Variants in RREB1 observed in about 807,000 individuals in gnomAD.
RREB1 encodes the protein ras-responsive element-binding protein 1.
A neutral mutation model predicts 117.8 loss-of-function variants in RREB1; 27 were observed. That is an observed-to-expected ratio of 0.23 (90% CI 0.17 to 0.32). RREB1 has a LOEUF of 0.32. Ranked by LOEUF, RREB1 falls within the 10% of genes least tolerant of loss-of-function variation. RREB1 has a pLI of 1.00. For missense variants in RREB1, 2,577 were observed against 2,378.2 expected, an observed-to-expected ratio of 1.08 and a Z score of -1.74; for synonymous variants, 1,298 against 1,026.7, an observed-to-expected ratio of 1.26 and a Z score of -5.05.
chr6:7,173,987 A>G (rs1764368370), intron 1 of RREB1, among the ~76,000 whole-genome samples: 1 of 152,006 alleles, frequency 6.6e-6, no homozygotes, highest in Non-Finnish European at 1.5e-5. Flanking sequence ...CTCCTCCCAC[A>G]GAGGGACTTC....
rs35147576 is a variant in RREB1, at chr6:7,229,929, G to T, written c.1830G>T (p.Met610Ile). The T allele has an allele frequency of 7.6e-4, 1,211 of 1,600,124 alleles. 4 individuals are homozygous for T. In the African/African-American group the frequency reaches 0.012, roughly 16 times the overall value. The part of the protein sequence containing the change: ...SIIEALLPLS[M>I]EAKIKQEITE... The stretch of plus-strand genomic sequence containing the variant: ...TCGAGGCCCTGCTGCCGCTGAGCAT[G>T]GAGGCCAAGATCAAGCAGGAGATCA... Residue 610 changes from methionine to isoleucine, a missense_variant, in exon 10 of 13, where the codon ATG (methionine) becomes ATT (isoleucine). Coordinates refer to ENST00000379938, the MANE Select transcript of RREB1 (RefSeq NM_001003699.4). This position sits in a 1 kb window ranked among gnomAD's most constrained non-coding sequence, Gnocchi z 4.5.
At chr6:7,170,158 G>C (rs1209516679) in intron 1 of RREB1, among the ~76,000 whole-genome samples, 1 of 152,146 alleles carries the variant, frequency 6.6e-6, no homozygotes, top group Non-Finnish European at 1.5e-5. Flanking sequence ...AATGCTCCAG[G>C]TCAAGACCAG....
At chr6:7,211,901 C>T (rs1766631799) in intron 8 of RREB1, 192 bp downstream of exon 8, 1 of 608,672 alleles carries the variant, frequency 1.6e-6, no homozygotes, top group Non-Finnish European at 2.9e-6. Context: ...GCTGTATCCA[C>T]AGGGTGTTCA....
At position 7,249,304 on chromosome 6, in the gene RREB1, G is replaced by A. The variant is rs968333470; in HGVS notation, c.*336G>A. The stretch of plus-strand genomic sequence containing the variant: ...GTCTGGAGAGGACCTCTTCATTTGA[G>A]CATTAGCGTTATTTTGTATTGGTGT... On this transcript the variant is annotated 3_prime_UTR_variant, in exon 13 of 13. Coordinates refer to ENST00000379938, the MANE Select transcript of RREB1 (RefSeq NM_001003699.4). The A allele has an allele frequency of 2.2e-5, 6 of 275,216 alleles. No homozygotes were observed. Among genetic ancestry groups the A allele is most frequent in the African/African-American group, 1.1e-4 (5 of 45,702 alleles). The allele number at this position is 275,216 out of a possible 1,614,324, so 17.0% of individuals were successfully genotyped here.
intron 1 of RREB1, among the ~76,000 whole-genome samples, chr6:7,137,064 T>C (rs1264060397): frequency 2.0e-5 from 3 of 152,242 alleles, no homozygotes; most frequent in Non-Finnish European, 4.4e-5. Context: ...TTTAGGGTCA[T>C]CACCCAGGAT....
In RREB1 at chr6:7,114,467, G is replaced by GT. The variant is rs1316547985; in HGVS notation, c.-285+6408dup. 2.3e-3 allele frequency among the ~76,000 whole-genome samples: 204 copies of GT among 87,726 alleles called. 1 individual carries two copies. Among genetic ancestry groups the GT allele is most frequent in the African/African-American group, 6.7e-3 (187 of 27,862 alleles). The allele number at this position is 87,726 out of a possible 152,430, so 57.6% of individuals were successfully genotyped here. A position where few individuals can be genotyped will look rare whatever the true frequency, so the allele number is the denominator to read the frequency against. ...CTGGAGACATTTTTAAGTGTTTCTG[G>GT]TGGGGGGGGGGGCGGCAGCGGGGAG... is the stretch of plus-strand genomic sequence containing the variant. On this transcript the variant is annotated intron_variant, in intron 1 of 12. Transcript: ENST00000379938.
chr6:7,114,847 A>T (rs558724033), intron 1 of RREB1, among the ~76,000 whole-genome samples: 1 of 152,228 alleles, frequency 6.6e-6, no homozygotes, highest in African/African-American at 2.4e-5. Flanking sequence ...ATCTACTTCT[A>T]AAACAAACTA....
intron 1 of RREB1, among the ~76,000 whole-genome samples, chr6:7,142,390 G>A (rs1305246809): frequency 6.6e-6 from 1 of 152,102 alleles, no homozygotes; most frequent in African/African-American, 2.4e-5. Context: ...AAAGCTGGAC[G>A]CCCTTGTGTC....
At chr6:7,165,398 G>A (rs1200917834) in intron 1 of RREB1, among the ~76,000 whole-genome samples, 1 of 152,222 alleles carries the variant, frequency 6.6e-6, no homozygotes, top group Admixed American at 6.5e-5. Flanking sequence ...TTTGTCACAT[G>A]CATTCAAGTA....
At chr6:7,147,401 C>T (rs920564656) in intron 1 of RREB1, among the ~76,000 whole-genome samples, 20 of 152,254 alleles carry the variant, frequency 1.3e-4, no homozygotes, top group African/African-American at 4.6e-4. Flanking sequence ...CTTTTCCTTC[C>T]TTCTCCCCAA....
At chr6:7,221,431 C>G (rs1767251980) in intron 8 of RREB1, among the ~76,000 whole-genome samples, 1 of 152,162 alleles carries the variant, frequency 6.6e-6, no homozygotes, top group East Asian at 1.9e-4. Flanking sequence ...CTCGGCCTCC[C>G]AAAGTGCTGG....
At chr6:7,160,835 C>T (rs1346731174) in intron 1 of RREB1, among the ~76,000 whole-genome samples, 3 of 94,224 alleles carry the variant, frequency 3.2e-5, no homozygotes, top group East Asian at 3.4e-4. Flanking sequence ...TACAGGCACG[C>T]GCCACCATGC....
At chr6:7,211,037 G>A (rs566414909) in intron 7 of RREB1, 89 bp downstream of exon 7, 1 of 1,306,154 alleles carries the variant, frequency 7.7e-7, no homozygotes, top group East Asian at 2.3e-5. Context: ...GTGGAGACTT[G>A]GCAGACATAC....
At chr6:7,197,009 G>A (rs1380948866) in intron 6 of RREB1, among the ~76,000 whole-genome samples, 1 of 152,164 alleles carries the variant, frequency 6.6e-6, no homozygotes, top group East Asian at 1.9e-4. Context: ...AGTGGTGCTC[G>A]TCTTCCAAAA....
chr6:7,244,808 C>T (rs868031292), intron 11 of RREB1, among the ~76,000 whole-genome samples: 1 of 152,330 alleles, frequency 6.6e-6, no homozygotes, highest in Middle Eastern at 3.4e-3. Context: ...ACAGTAGGTA[C>T]TGTCTCCTCA....
intron 8 of RREB1, among the ~76,000 whole-genome samples, chr6:7,221,713 A>C (rs1034725808): frequency 5.9e-5 from 9 of 152,208 alleles, no homozygotes; most frequent in African/African-American, 2.2e-4. Flanking sequence ...AGGCAGGTGA[A>C]GGGAGCAGGT....
intron 6 of RREB1, among the ~76,000 whole-genome samples, chr6:7,192,414 A>G (rs570026919): frequency 6.6e-5 from 10 of 152,008 alleles, no homozygotes; most frequent in African/African-American, 2.4e-4. Context: ...GCTGGTCTTG[A>G]ACTGCCGACC....
In RREB1 at chr6:7,231,910, A is replaced by T; in HGVS notation, c.3808+3A>T. 1 of 1,581,646 alleles carries T rather than the reference A, an allele frequency of 6.3e-7. No individual in the cohort carries two copies. The highest frequency in any genetic ancestry group is 8.6e-7 in the Non-Finnish European group (1 of 1,159,530). On this transcript the variant is annotated splice_donor_region_variant and intron_variant, in intron 10 of 12. Transcript: ENST00000379938. Reference sequence around the variant, plus strand: ...GAGGCACATGCTCACACACACTGGTAAGAGGGCCACCGGGCTCCCAGGCAG... The same window carrying T: ...GAGGCACATGCTCACACACACTGGTTAGAGGGCCACCGGGCTCCCAGGCAG...
At chr6:7,175,091 A>C (rs1764435437) in intron 1 of RREB1, among the ~76,000 whole-genome samples, 1 of 152,204 alleles carries the variant, frequency 6.6e-6, no homozygotes, top group African/African-American at 2.4e-5. Flanking sequence ...TATTAATTAA[A>C]ATATGAAAAA....
Sources: gnomAD v4.1 joint callset for allele counts (sites outside exome capture counted in the v4.1 genomes callset) on GRCh38, gnomAD v4.1.1 for gene constraint, Gnocchi (gnomAD v3.1) non-coding constraint, MANE v1.5 for transcripts, NCBI Gene and HGNC (gene_info 2026-07-23, HGNC 2026-07-21) for gene names.